Variants in IGSF11 observed in about 807,000 individuals in gnomAD.
IGSF11 encodes immunoglobulin superfamily member 11.
A neutral mutation model predicts 41.0 loss-of-function variants in IGSF11; 22 were observed. The ratio of observed to expected loss-of-function variants is 0.54; its 90% CI spans 0.38 to 0.77. The LOEUF (loss-of-function observed/expected upper bound fraction) is 0.77, where lower values mean the gene tolerates loss of function less well. IGSF11 is among the 30% of genes least tolerant of loss of function. IGSF11 has a pLI of 0.00. For synonymous variants in IGSF11, 219 were observed against 201.3 expected (o/e 1.09, Z -0.74); for missense variants, 444 against 530.8 (o/e 0.84, Z 1.61).
intron 1 of IGSF11, among the ~76,000 whole-genome samples, chr3:118,943,454 G>C (rs1943864729): frequency 6.6e-6 from 1 of 152,150 alleles, no homozygotes; most frequent in South Asian, 2.1e-4. Context: ...GGCAGGGAAT[G>C]GGCAGAGAAA....
At chr3:119,073,647 G>A (rs1286098192) in intron 1 of IGSF11, among the ~76,000 whole-genome samples, 2 of 152,216 alleles carry the variant, frequency 1.3e-5, no homozygotes, top group Admixed American at 1.3e-4. Flanking sequence ...TGGCCCAGGT[G>A]CTAAGCCCCT....
intron 1 of IGSF11, among the ~76,000 whole-genome samples, chr3:119,114,698 T>C (rs1212448147): frequency 1.3e-5 from 2 of 152,218 alleles, no homozygotes; most frequent in African/African-American, 4.8e-5. Flanking sequence ...CCCTCCCAAA[T>C]GTTCTAACTT....
intron 1 of IGSF11, among the ~76,000 whole-genome samples, chr3:119,004,293 TG>T (rs1342808697): frequency 6.6e-6 from 1 of 151,788 alleles, no homozygotes; most frequent in East Asian, 1.9e-4. Context: ...TGTATTTCTG[TG>T]GGATCGGTGG....
intron 1 of IGSF11, among the ~76,000 whole-genome samples, chr3:119,139,689 GC>G (rs1236481188): frequency 1.3e-5 from 2 of 152,120 alleles, no homozygotes; most frequent in Admixed American, 6.6e-5. Flanking sequence ...GTCTTTATCA[GC>G]AGTGTGAAAA....
intron 1 of IGSF11, among the ~76,000 whole-genome samples, chr3:119,043,448 G>A (rs189269675): frequency 8.5e-5 from 13 of 152,224 alleles, no homozygotes; most frequent in Non-Finnish European, 1.6e-4. Context: ...TTCTTAGTTG[G>A]CCTAGGAAAT....
At position 119,034,702 on chromosome 3, in the gene IGSF11, C is replaced by A; in HGVS notation, c.-120G>T. ...GGTCCTCCCACACCCAGCGCCGGGC[C>A]GCTGTTCCCCGCGCAGAGCTGGGAC... On this transcript the variant is annotated 5_prime_UTR_variant, in exon 1 of 7. Transcript: ENST00000393775. 1 of 1,384,982 alleles carries A rather than the reference C, an allele frequency of 7.2e-7. No homozygotes were observed. The allele number at this position is 1,384,982 out of a possible 1,614,324, so 85.8% of individuals were successfully genotyped here. A position where few individuals can be genotyped will look rare whatever the true frequency, so the allele number is the denominator to read the frequency against.
intron 4 of IGSF11, among the ~76,000 whole-genome samples, chr3:118,918,808 C>T (rs1941444918): frequency 7.1e-6 from 1 of 141,642 alleles, no homozygotes; most frequent in Non-Finnish European, 1.5e-5. Flanking sequence ...CAAGTCAATC[C>T]TAAGCCAAAA....
intron 4 of IGSF11, among the ~76,000 whole-genome samples, chr3:118,911,793 A>C (rs1208594491): frequency 6.6e-6 from 1 of 152,044 alleles, no homozygotes; most frequent in East Asian, 1.9e-4. Flanking sequence ...CGCCAAAAGA[A>C]TTTTAGTCCT....
chr3:118,937,794 A>C (rs780791710), intron 1 of IGSF11, among the ~76,000 whole-genome samples: 11 of 152,194 alleles, frequency 7.2e-5, no homozygotes, highest in South Asian at 2.1e-4. Context: ...AGTCTATGTA[A>C]CATGTAATAG....
chr3:119,008,101 CTT>C (rs1937630900), intron 1 of IGSF11, among the ~76,000 whole-genome samples: 2 of 152,110 alleles, frequency 1.3e-5, no homozygotes, highest in South Asian at 4.1e-4. Context: ...TATAGTGACT[CTT>C]GAGGGTTGAA....
intron 1 of IGSF11, chr3:118,981,785 A>T (rs1185601668): frequency 6.6e-6 from 1 of 152,342 alleles, no homozygotes; most frequent in Non-Finnish European, 1.5e-5. Flanking sequence ...CCTGTGGGAA[A>T]CTTACTTGGG....
At chr3:118,955,579 C>T (rs1944900843) in intron 1 of IGSF11, among the ~76,000 whole-genome samples, 1 of 152,054 alleles carries the variant, frequency 6.6e-6, no homozygotes, top group African/African-American at 2.4e-5. Flanking sequence ...CTTGGCTGGC[C>T]AAATGCATTG....
intron 1 of IGSF11, among the ~76,000 whole-genome samples, chr3:119,017,050 A>C (rs1247961301): frequency 1.3e-5 from 2 of 151,954 alleles, no homozygotes; most frequent in Admixed American, 1.3e-4. Context: ...AAAAAAAAAA[A>C]AAAAAAAGCC....
At chr3:118,984,185 A>C (rs545088998) in intron 1 of IGSF11, among the ~76,000 whole-genome samples, 8 of 151,482 alleles carry the variant, frequency 5.3e-5, no homozygotes, top group African/African-American at 9.7e-5. Flanking sequence ...AAAAAAAAAA[A>C]CAGACATTTG....
intron 1 of IGSF11, among the ~76,000 whole-genome samples, chr3:119,134,975 T>C (rs1031999720): frequency 2.6e-5 from 4 of 152,216 alleles, no homozygotes; most frequent in African/African-American, 9.6e-5. Context: ...TGATTCCCTA[T>C]TTAAAAGTGG....
At chr3:119,109,531 G>A (rs1323618154), upstream of IGSF11, among the ~76,000 whole-genome samples, 18 of 151,624 alleles carry the variant, frequency 1.2e-4, 1 homozygote, top group South Asian at 4.2e-4. Flanking sequence ...TGATCCTTTC[G>A]AAAAACCAGC....
chr3:118,926,018 A>T (rs1366268629), intron 4 of IGSF11, 83 bp downstream of exon 4: 2 of 1,091,674 alleles, frequency 1.8e-6, no homozygotes, highest in Non-Finnish European at 2.5e-6. Context: ...TTATTTTTCA[A>T]AACCTATTAA....
At chr3:119,047,793 C>G (rs541908544) in intron 1 of IGSF11, among the ~76,000 whole-genome samples, 1 of 152,160 alleles carries the variant, frequency 6.6e-6, no homozygotes, top group East Asian at 1.9e-4. Context: ...TTATAACAAA[C>G]TATCTCTCAG....
At chr3:119,111,018 T>C (rs2107519101) in intron 1 of IGSF11, among the ~76,000 whole-genome samples, 1 of 151,992 alleles carries the variant, frequency 6.6e-6, no homozygotes, top group South Asian at 2.1e-4. Context: ...CTGGCTGCCC[T>C]TAACATTTTT....
Sources: allele counts gnomAD v4.1 joint callset (sites outside exome capture counted in the v4.1 genomes callset), GRCh38; gene constraint gnomAD v4.1.1; transcripts MANE v1.5; gene names NCBI Gene and HGNC (gene_info 2026-07-23, HGNC 2026-07-21).